The following EXOC4 variants were observed in gnomAD, a reference collection of about 807,000 sequenced individuals.
EXOC4 encodes the protein SEC8-like 1.
In EXOC4, 71 loss-of-function variants were observed where a neutral mutation model predicts 107.2. The observed-to-expected ratio is 0.66, with a 90% CI of 0.55 to 0.81. The LOEUF is 0.81. Ranked by LOEUF, EXOC4 falls within the 30% of genes least tolerant of loss-of-function variation. The pLI is 0.00. For synonymous variants in EXOC4, 456 were observed against 441.2 expected, an observed-to-expected ratio of 1.03 and a Z score of -0.42; for missense variants, 1,108 against 1,189.6, an observed-to-expected ratio of 0.93 and a Z score of 1.01.
chr7:133,725,368 T>C (rs1221371987), intron 10 of EXOC4, among the ~76,000 whole-genome samples: 1 of 152,104 alleles, frequency 6.6e-6, no homozygotes, highest in Non-Finnish European at 1.5e-5. Context: ...GGGTTTACAT[T>C]TCCTTTTTCT....
At chr7:133,621,050 A>C (rs776516390) in intron 9 of EXOC4, among the ~76,000 whole-genome samples, 20 of 152,126 alleles carry the variant, frequency 1.3e-4, no homozygotes, top group Non-Finnish European at 2.2e-4. Context: ...CCATTTTCAG[A>C]CTCCATTATA....
chr7:133,461,225 C>A lies in EXOC4; in HGVS notation c.1183-14103C>A, dbSNP rs564267642. On this transcript the variant is annotated intron_variant, in intron 7 of 17. Transcript: ENST00000253861. ...ATTCGGTTGAGATGTTCTTTGTGGA[C>A]TCCTTAAAGAACAGAACCACTGTAT... Among the ~76,000 whole-genome samples, 5 of 152,270 alleles carry A rather than the reference C, an allele frequency of 3.3e-5. No individual in the cohort carries two copies. The East Asian group carries it at 9.7e-4, about 29-fold the overall frequency.
At chr7:134,081,027 C>G in the EXOC4 span, among the ~76,000 whole-genome samples, 1 of 152,150 alleles carries the variant, frequency 6.6e-6, no homozygotes, top group South Asian at 2.1e-4. Context: ...CTAAATGATT[C>G]CTTTCTTGAC....
chr7:133,481,544 A>C (rs1445966465), intron 9 of EXOC4, among the ~76,000 whole-genome samples: 1 of 152,162 alleles, frequency 6.6e-6, no homozygotes, highest in Non-Finnish European at 1.5e-5. Flanking sequence ...TGTCATTCCT[A>C]ACTTCACCTT....
chr7:133,340,523 G>A (rs1444997191), intron 5 of EXOC4, among the ~76,000 whole-genome samples: 1 of 151,392 alleles, frequency 6.6e-6, no homozygotes, highest in Non-Finnish European at 1.5e-5. Context: ...TTTGGTAATA[G>A]GGTGATACTG....
rs760806791 is a variant in EXOC4 at position 134,005,141 on chromosome 7, G to A, written c.2527+51G>A. 7.7e-6 allele frequency: 12 copies of A among 1,549,680 alleles called. No individual in the cohort carries two copies. In the African/African-American group the frequency reaches 9.7e-5, roughly 12 times the overall value. The stretch of plus-strand genomic sequence containing the variant: ...AGTTTGGGAGGAAGAAAGGATGAAA[G>A]TTTTCCTGATTTTCTGTATTACTGA... On this transcript the variant is annotated intron_variant, in intron 16 of 17. Coordinates refer to ENST00000253861, the MANE Select transcript of EXOC4 (RefSeq NM_021807.4).
intron 4 of EXOC4, among the ~76,000 whole-genome samples, chr7:133,311,585 G>A (rs1365377419): frequency 1.3e-5 from 2 of 152,206 alleles, no homozygotes; most frequent in Middle Eastern, 3.4e-3. Context: ...TTAGGAAAAC[G>A]TGTAGGAGGA....
chr7:134,064,213 A>G lies in EXOC4; in HGVS notation c.2688-78A>G, dbSNP rs10243889. On this transcript the variant is annotated intron_variant, in intron 17 of 17. Transcript: ENST00000253861. ...ATGAAGTAAGTAGAGGAATCAATGT[A>G]TAGACAGCGTATTTGTCCCCTCGAG... 6.3e-3 allele frequency: 5,693 copies of G among 910,688 alleles called. 136 individuals are homozygous for G. The African/African-American group carries it at 0.064, about 10-fold the overall frequency. The allele number at this position is 910,688 out of a possible 1,614,324, so 56.4% of individuals were successfully genotyped here.
intron 9 of EXOC4, among the ~76,000 whole-genome samples, chr7:133,538,857 A>AAGAGAGAGAG (rs1554469398): frequency 4.6e-4 from 33 of 72,190 alleles, no homozygotes; most frequent in Admixed American, 3.8e-3. Flanking sequence ...GAAAGAAAGA[A>AAGAGAGAGAG]AGAGAGAGAG....
intron 13 of EXOC4, among the ~76,000 whole-genome samples, chr7:133,929,849 T>C (rs10270513): frequency 1.4e-3 from 208 of 152,214 alleles, no homozygotes; most frequent in African/African-American, 4.7e-3. Context: ...CCCCTGCTCA[T>C]TCCTCATCCC....
chr7:133,938,724 A>G (rs1585262997), intron 14 of EXOC4, among the ~76,000 whole-genome samples: 1 of 152,358 alleles, frequency 6.6e-6, no homozygotes, highest in Middle Eastern at 3.4e-3. Context: ...TATTTAAAGC[A>G]TTACTTCAGG....
the EXOC4 span, among the ~76,000 whole-genome samples, chr7:134,074,408 C>T: frequency 6.6e-6 from 1 of 151,938 alleles, no homozygotes; most frequent in Non-Finnish European, 1.5e-5. Flanking sequence ...CAAGAGCAAT[C>T]CCCAGGTAAC....
At chr7:133,311,121 C>G (rs1248651067) in intron 4 of EXOC4, among the ~76,000 whole-genome samples, 1 of 152,112 alleles carries the variant, frequency 6.6e-6, no homozygotes, top group African/African-American at 2.4e-5. Context: ...TGTCCTTGTT[C>G]TTAGCTCATG....
At position 133,761,009 on chromosome 7, in the gene EXOC4, A is replaced by G. The variant is rs1392222389; in HGVS notation, c.1515-56316A>G. 4.6e-5 allele frequency among the ~76,000 whole-genome samples: 7 copies of G among 152,158 alleles called. 1 individual carries two copies. The East Asian group carries it at 1.2e-3, about 25-fold the overall frequency. On this transcript the variant is annotated intron_variant, in intron 10 of 17. Transcript: ENST00000253861. ...AAAAAAACAAGATGGCAAATTCACA[A>G]CCCTGCAGCAAAATTATCATGTGTT...
intron 7 of EXOC4, among the ~76,000 whole-genome samples, chr7:133,385,630 C>T (rs1024517596): frequency 9.9e-5 from 15 of 152,254 alleles, no homozygotes; most frequent in African/African-American, 2.9e-4. Context: ...TGTTATTAAT[C>T]CCTTTGATCT....
intron 13 of EXOC4, among the ~76,000 whole-genome samples, chr7:133,929,778 G>A (rs1254681717): frequency 2.0e-5 from 3 of 151,984 alleles, no homozygotes; most frequent in African/African-American, 7.2e-5. Flanking sequence ...GCGTCAATGT[G>A]TATCTCATTT....
intron 9 of EXOC4, among the ~76,000 whole-genome samples, chr7:133,526,034 G>T (rs1469030507): frequency 6.6e-6 from 1 of 152,208 alleles, no homozygotes; most frequent in East Asian, 1.9e-4. Context: ...TTTCCTAAAG[G>T]GCTGAGTTCC....
the EXOC4 span, among the ~76,000 whole-genome samples, chr7:134,077,407 A>G: frequency 6.6e-6 from 1 of 152,218 alleles, no homozygotes; most frequent in Admixed American, 6.5e-5. Context: ...GCCCTTCCAG[A>G]AACACCCTCA....
intron 17 of EXOC4, among the ~76,000 whole-genome samples, chr7:134,039,262 A>T (rs950876799): frequency 6.6e-6 from 1 of 152,184 alleles, no homozygotes; most frequent in Admixed American, 6.5e-5. Flanking sequence ...CTTGGAGTGC[A>T]TGATAAAGCT....
Sources: gnomAD v4.1 joint callset for allele counts (sites outside exome capture counted in the v4.1 genomes callset) on GRCh38, gnomAD v4.1.1 for gene constraint, MANE v1.5 for transcripts, NCBI Gene and HGNC (gene_info 2026-07-23, HGNC 2026-07-21) for gene names.